SLC25A21: variants seen among roughly 807,000 people sequenced by gnomAD.
SLC25A21 encodes the protein solute carrier family 25 member 21.
A neutral mutation model predicts 43.8 loss-of-function variants in SLC25A21; 47 were observed. That is an observed-to-expected ratio of 1.07 (90% CI 0.85 to 1.37). The LOEUF (loss-of-function observed/expected upper bound fraction) is 1.37, where lower values mean the gene tolerates loss of function less well. Ranked by LOEUF, SLC25A21 falls within the 40% of genes most tolerant of loss-of-function variation. SLC25A21 has a pLI of 0.00. For synonymous variants in SLC25A21, 131 were observed against 121.3 expected (o/e 1.08, Z -0.52); for missense variants, 352 against 350.2 (o/e 1.00, Z -0.04).
intron 1 of SLC25A21, among the ~76,000 whole-genome samples, chr14:36,992,578 C>T (rs1466973607): frequency 1.3e-5 from 2 of 152,082 alleles, no homozygotes; most frequent in Non-Finnish European, 2.9e-5. Context: ...GCAAACTAGC[C>T]CCAAATGGCT....
chr14:37,094,010 G>C (rs1325773930), intron 1 of SLC25A21, among the ~76,000 whole-genome samples: 2 of 152,118 alleles, frequency 1.3e-5, no homozygotes, highest in Non-Finnish European at 2.9e-5. Context: ...CCATTCCTCA[G>C]AGCATATAGC....
At chr14:36,846,854 C>G (rs1469398619) in intron 2 of SLC25A21, among the ~76,000 whole-genome samples, 1 of 152,206 alleles carries the variant, frequency 6.6e-6, no homozygotes, top group Non-Finnish European at 1.5e-5. Flanking sequence ...GAACAACAAA[C>G]AAGCAGGCAA....
intron 1 of SLC25A21, among the ~76,000 whole-genome samples, chr14:37,098,790 T>TAGATAGAG: frequency 8.8e-6 from 1 of 113,248 alleles, no homozygotes; most frequent in African/African-American, 4.4e-5. Flanking sequence ...GACAGACAGA[T>TAGATAGAG]AGATAGATAG....
At chr14:37,003,375 T>C (rs1219445445) in intron 1 of SLC25A21, among the ~76,000 whole-genome samples, 1 of 152,202 alleles carries the variant, frequency 6.6e-6, no homozygotes, top group Non-Finnish European at 1.5e-5. Flanking sequence ...AACTTATGAA[T>C]TGTTTATTTC....
At chr14:36,928,619 A>C (rs1892199182) in intron 1 of SLC25A21, among the ~76,000 whole-genome samples, 1 of 152,144 alleles carries the variant, frequency 6.6e-6, no homozygotes, top group South Asian at 2.1e-4. Context: ...ACTCTCATTA[A>C]TTCATAACAG....
chr14:36,986,275 A>C (rs1406503786), intron 1 of SLC25A21, among the ~76,000 whole-genome samples: 1 of 152,096 alleles, frequency 6.6e-6, no homozygotes, highest in African/African-American at 2.4e-5. Flanking sequence ...CCAATCCAAC[A>C]CCACATTCTG....
intron 1 of SLC25A21, among the ~76,000 whole-genome samples, chr14:37,107,085 A>C (rs1003499272): frequency 5.3e-5 from 8 of 152,180 alleles, no homozygotes; most frequent in African/African-American, 1.9e-4. Context: ...TATTCCAAAA[A>C]ATGTTCTTGG....
chr14:36,683,297 C>T (rs370135201), intron 9 of SLC25A21, among the ~76,000 whole-genome samples: 2 of 152,166 alleles, frequency 1.3e-5, no homozygotes, highest in Admixed American at 6.5e-5. Context: ...AAGCCTCCAG[C>T]GTCATGCTGA....
intron 1 of SLC25A21, among the ~76,000 whole-genome samples, chr14:37,170,988 G>C (rs975575829): frequency 6.6e-6 from 1 of 151,456 alleles, no homozygotes; most frequent in Non-Finnish European, 1.5e-5. Context: ...TACTCAGGAG[G>C]CTGAGATGGG....
intron 1 of SLC25A21, among the ~76,000 whole-genome samples, chr14:37,059,298 T>G (rs1392650167): frequency 6.6e-6 from 1 of 152,126 alleles, no homozygotes; most frequent in Non-Finnish European, 1.5e-5. Flanking sequence ...GCAACAATCA[T>G]AAAGTTAAGT....
intron 1 of SLC25A21, among the ~76,000 whole-genome samples, chr14:37,121,388 T>A (rs922967692): frequency 6.6e-6 from 1 of 152,264 alleles, no homozygotes; most frequent in Admixed American, 6.5e-5. Flanking sequence ...CAAAATGACA[T>A]GTCAGTGCGG....
intron 2 of SLC25A21, among the ~76,000 whole-genome samples, chr14:36,830,876 G>T (rs1238798301): frequency 3.3e-5 from 5 of 151,978 alleles, no homozygotes. Flanking sequence ...AAAGTCATAG[G>T]TTGATCAAAT....
At chr14:37,100,691 C>T (rs890304291) in intron 1 of SLC25A21, among the ~76,000 whole-genome samples, 1 of 152,196 alleles carries the variant, frequency 6.6e-6, no homozygotes, top group African/African-American at 2.4e-5. Context: ...TAGATATCCT[C>T]TTGGAAGGAC....
chr14:37,030,922 T>A (rs1411689220), intron 1 of SLC25A21, among the ~76,000 whole-genome samples: 1 of 152,170 alleles, frequency 6.6e-6, no homozygotes, highest in Non-Finnish European at 1.5e-5. Context: ...CTTTTCTACC[T>A]CCTTTGTTTC....
intron 1 of SLC25A21, among the ~76,000 whole-genome samples, chr14:36,882,554 G>C (rs1890766298): frequency 6.6e-6 from 1 of 152,064 alleles, no homozygotes; most frequent in Non-Finnish European, 1.5e-5. Flanking sequence ...TGAAATCTTT[G>C]AGAAGAGGGA....
intron 3 of SLC25A21, among the ~76,000 whole-genome samples, chr14:36,774,654 A>G (rs1886755276): frequency 1.3e-5 from 2 of 151,982 alleles, no homozygotes; most frequent in Non-Finnish European, 2.9e-5. Flanking sequence ...TGCAGCCTTA[A>G]TCTCCTGGGC....
chr14:37,029,758 CTTTTTTTT>C, intron 1 of SLC25A21, among the ~76,000 whole-genome samples: 1 of 106,262 alleles, frequency 9.4e-6, no homozygotes, highest in South Asian at 2.9e-4. Context: ...TAATAGCCGA[CTTTTTTTT>C]TTTTTTTTTT....
intron 1 of SLC25A21, among the ~76,000 whole-genome samples, chr14:36,931,034 T>C (rs1221820097): frequency 6.6e-6 from 1 of 152,044 alleles, no homozygotes; most frequent in Admixed American, 6.6e-5. Context: ...CTGACACCTC[T>C]CCTCTGGGCT....
intron 7 of SLC25A21, among the ~76,000 whole-genome samples, chr14:36,689,112 T>A (rs890029961): frequency 2.0e-5 from 3 of 152,214 alleles, no homozygotes; most frequent in African/African-American, 7.2e-5. Context: ...TTCCACATGG[T>A]TGGGGAGGCC....
Sources: allele counts gnomAD v4.1 joint callset (sites outside exome capture counted in the v4.1 genomes callset), GRCh38; gene constraint gnomAD v4.1.1; transcripts MANE v1.5; gene names NCBI Gene and HGNC (gene_info 2026-07-23, HGNC 2026-07-21).